BCL2: variants seen among roughly 807,000 people sequenced by gnomAD.
BCL2 encodes the protein BCL2 apoptosis regulator.
In BCL2, 1 loss-of-function variant was observed where a neutral mutation model predicts 14.2. That is an observed-to-expected ratio of 0.07 (90% confidence interval 0.02 to 0.33). The LOEUF is 0.33. Ranked by LOEUF, BCL2 falls within the 10% of genes least tolerant of loss-of-function variation. BCL2 has a pLI of 0.99. For synonymous variants in BCL2, 151 were observed against 137.2 expected, an observed-to-expected ratio of 1.10 and a Z score of -0.70; for missense variants, 247 against 305.9, an observed-to-expected ratio of 0.81 and a Z score of 1.44.
At chr18:63,317,871 G>A (rs2144320192) in intron 2 of BCL2, 1 of 1,415,982 alleles carries the variant, frequency 7.1e-7, no homozygotes, top group Non-Finnish European at 9.2e-7. Flanking sequence ...TAGCAAGCAA[G>A]TTAAAGACTT....
chr18:63,307,329 C>T (rs545436489), intron 2 of BCL2, among the ~76,000 whole-genome samples: 2 of 152,308 alleles, frequency 1.3e-5, no homozygotes, highest in African/African-American at 2.4e-5. Flanking sequence ...TTTTCAAATT[C>T]CAATGACATG....
chr18:63,179,992 C>T (rs1177743915), intron 2 of BCL2, among the ~76,000 whole-genome samples: 1 of 152,186 alleles, frequency 6.6e-6, no homozygotes, highest in Non-Finnish European at 1.5e-5. Flanking sequence ...TGTCTTATAG[C>T]TATCCCTTTC....
intron 2 of BCL2, among the ~76,000 whole-genome samples, chr18:63,253,956 G>C (rs1485508481): frequency 6.6e-6 from 1 of 151,104 alleles, no homozygotes; most frequent in Non-Finnish European, 1.5e-5. Flanking sequence ...TATCGAGGAG[G>C]ATTCATTTCC....
chr18:63,198,673 GAC>G (rs1441252487), intron 2 of BCL2, among the ~76,000 whole-genome samples: 11 of 112,924 alleles, frequency 9.7e-5, no homozygotes, highest in Non-Finnish European at 1.7e-4. Flanking sequence ...CAGACACAAA[GAC>G]ACAACAGACA....
At chr18:63,146,587 A>T (rs1185723072) in intron 2 of BCL2, among the ~76,000 whole-genome samples, 2 of 152,250 alleles carry the variant, frequency 1.3e-5, no homozygotes, top group African/African-American at 4.8e-5. Flanking sequence ...TGTTGGATAA[A>T]GGAGCAGAAT....
chr18:63,239,568 C>A lies in BCL2; in HGVS notation c.585+78514G>T, dbSNP rs1205487350. Among the ~76,000 whole-genome samples, 10 of 152,150 alleles carry A rather than the reference C, an allele frequency of 6.6e-5. No homozygotes were observed. In the East Asian group the frequency reaches 1.4e-3, roughly 21 times the overall value. ...ACCAGCCTGGCCAACATGGTGAAACCCCGTCTCTACAAAAATAAAAAATTA... is the reference window on the plus strand; with the variant it reads ...ACCAGCCTGGCCAACATGGTGAAACACCGTCTCTACAAAAATAAAAAATTA... On this transcript the variant is annotated intron_variant, in intron 2 of 2. Coordinates refer to ENST00000333681, the MANE Select transcript of BCL2 (RefSeq NM_000633.3).
At chr18:63,223,526 T>A (rs1910463189) in intron 2 of BCL2, among the ~76,000 whole-genome samples, 1 of 152,066 alleles carries the variant, frequency 6.6e-6, no homozygotes, top group South Asian at 2.1e-4. Flanking sequence ...ATACTGGAGG[T>A]TTGAACTCTG....
At chr18:63,307,494 TCTC>T (rs556166395) in intron 2 of BCL2, among the ~76,000 whole-genome samples, 554 of 152,332 alleles carry the variant, frequency 3.6e-3, no homozygotes, top group Non-Finnish European at 6.6e-3. Flanking sequence ...TTAACTGTAT[TCTC>T]AAAGTATCAT....
At chr18:63,133,551 G>C (rs1914129239) in intron 2 of BCL2, among the ~76,000 whole-genome samples, 1 of 152,078 alleles carries the variant, frequency 6.6e-6, no homozygotes, top group South Asian at 2.1e-4. Flanking sequence ...GCCTCCCAAA[G>C]TGCTGGGATT....
intron 2 of BCL2, among the ~76,000 whole-genome samples, chr18:63,273,538 A>AAAAAAAATACTC (rs1245039066): frequency 2.0e-5 from 3 of 152,036 alleles, no homozygotes; most frequent in African/African-American, 4.8e-5. Context: ...CTATGCTTTA[A>AAAAAAAATACTC]AAAAAAATAC....
At chr18:63,308,020 G>A (rs1483649593) in intron 2 of BCL2, among the ~76,000 whole-genome samples, 2 of 152,238 alleles carry the variant, frequency 1.3e-5, no homozygotes, top group African/African-American at 4.8e-5. Context: ...TTTGCTTCAT[G>A]CTAACGGATG....
At chr18:63,242,452 A>G (rs947965980) in intron 2 of BCL2, among the ~76,000 whole-genome samples, 1 of 152,222 alleles carries the variant, frequency 6.6e-6, no homozygotes, top group Admixed American at 6.5e-5. Flanking sequence ...CCAGTGTTGG[A>G]GAGTGCAAAA....
chr18:63,137,138 T>A (rs767005977), intron 2 of BCL2, among the ~76,000 whole-genome samples: 1 of 152,272 alleles, frequency 6.6e-6, no homozygotes, highest in Non-Finnish European at 1.5e-5. Flanking sequence ...AGGTTCCCAA[T>A]GCTCTGGCTC....
Position 63,124,628 on chromosome 18 carries a change from T to C in BCL2, c.*3997A>G, listed in dbSNP as rs1295797318. On this transcript the variant is annotated 3_prime_UTR_variant, in exon 3 of 3. Coordinates refer to ENST00000333681, the MANE Select transcript of BCL2 (RefSeq NM_000633.3). ...TCCCACCCCTCCAACAAATGTCCTT[T>C]GTCCCATAATAATTTAAAAAAAAAA... 4 of 211,196 alleles carry C rather than the reference T, an allele frequency of 1.9e-5. No homozygotes were observed. The highest frequency in any genetic ancestry group is 3.7e-5 in the Non-Finnish European group (4 of 108,768). 13.1% of individuals were successfully genotyped at this position (211,196 alleles called of 1,614,324 possible).
chr18:63,222,298 A>AAAAG (rs1374009797), intron 2 of BCL2, among the ~76,000 whole-genome samples: 22 of 151,554 alleles, frequency 1.5e-4, no homozygotes, highest in African/African-American at 4.8e-4. Context: ...AGAAAAAGAA[A>AAAAG]AAAGAAAGAA....
At chr18:63,193,886 T>A (rs1272560260) in intron 2 of BCL2, among the ~76,000 whole-genome samples, 1 of 152,124 alleles carries the variant, frequency 6.6e-6, no homozygotes. Context: ...TATATTATAT[T>A]CCTAAATCTT....
intron 2 of BCL2, among the ~76,000 whole-genome samples, chr18:63,179,975 T>G (rs1480291509): frequency 2.6e-5 from 4 of 152,204 alleles, no homozygotes; most frequent in Admixed American, 6.5e-5. Context: ...TGCAGTATTG[T>G]GATGAATGTC....
chr18:63,254,061 T>C (rs1388290679), intron 2 of BCL2, among the ~76,000 whole-genome samples: 1 of 152,180 alleles, frequency 6.6e-6, no homozygotes, highest in Non-Finnish European at 1.5e-5. Flanking sequence ...CTTTGGTCTC[T>C]ACTTTCAGAA....
chr18:63,221,092 G>C (rs1910379430), intron 2 of BCL2, among the ~76,000 whole-genome samples: 1 of 152,190 alleles, frequency 6.6e-6, no homozygotes, highest in African/African-American at 2.4e-5. Flanking sequence ...TGAGATAAAA[G>C]TGACCACTCT....
Sources: allele counts gnomAD v4.1 joint callset (sites outside exome capture counted in the v4.1 genomes callset), GRCh38; gene constraint gnomAD v4.1.1; transcripts MANE v1.5; gene names NCBI Gene and HGNC (gene_info 2026-07-23, HGNC 2026-07-21).